SLC26A4: variants seen among roughly 807,000 people sequenced by gnomAD.
SLC26A4 encodes pendrin.
SLC26A4 carries 93 observed loss-of-function variants against 90.4 expected under a neutral mutation model. That is an observed-to-expected ratio of 1.03 (90% CI 0.87 to 1.22). The LOEUF is 1.22. SLC26A4 is among the 50% of genes most tolerant of loss of function. The pLI is 0.00. For synonymous variants in SLC26A4, 393 were observed against 354.6 expected (o/e 1.11, Z -1.22); for missense variants, 1,127 against 946.2 (o/e 1.19, Z -2.51).
Position 107,715,482 on chromosome 7 carries a change from C to G in SLC26A4, c.*36C>G, listed in dbSNP as rs764382402. On this transcript the variant is annotated 3_prime_UTR_variant, in exon 21 of 21. Coordinates refer to ENST00000644269, the MANE Select transcript of SLC26A4 (RefSeq NM_000441.2). ...GGGAGGTCTCTATGAGCAAGGAATA[C>G]AAGACAAAACTTCCTCAATGCATTG... The G allele has an allele frequency of 1.3e-6, 2 of 1,532,144 alleles. No homozygotes were observed. The highest frequency in any genetic ancestry group is 9.0e-7 in the Non-Finnish European group (1 of 1,105,362). 94.9% of individuals were successfully genotyped at this position (1,532,144 alleles called of 1,614,324 possible).
At position 107,661,906 on chromosome 7, in the gene SLC26A4, C is replaced by A; in HGVS notation, c.164+101C>A. ...GCGGGCGAGAGTGGGGTGCGGGCGGCGGAGCCCCTGGGCGCCAGCTGCTTC... is the reference window on the plus strand; with the variant it reads ...GCGGGCGAGAGTGGGGTGCGGGCGGAGGAGCCCCTGGGCGCCAGCTGCTTC... On this transcript the variant is annotated intron_variant, in intron 2 of 20. Transcript: ENST00000644269. The surrounding 1 kb of genome is among the most constrained non-coding windows in gnomAD (Gnocchi z 5.1). The A allele has an allele frequency of 1.5e-6, 2 of 1,338,568 alleles. No individual in the cohort carries two copies. The highest frequency in any genetic ancestry group is 2.0e-6 in the Non-Finnish European group (2 of 1,002,014). 82.9% of individuals were successfully genotyped at this position (1,338,568 alleles called of 1,614,324 possible). A position where few individuals can be genotyped will look rare whatever the true frequency, so the allele number is the denominator to read the frequency against.
At position 107,680,311 on chromosome 7, in the gene SLC26A4, A is replaced by ATCT. The variant is rs1457318004; in HGVS notation, c.766-2890_766-2889insCTT. On this transcript the variant is annotated intron_variant, in intron 6 of 20. Coordinates refer to ENST00000644269, the MANE Select transcript of SLC26A4 (RefSeq NM_000441.2). Reference sequence around the variant, plus strand: ...TTATCTTATTATATAATATAATCTTATATTATTATATAATCTTATCTTATT... The same window carrying ATCT: ...TTATCTTATTATATAATATAATCTTATCTTATTATTATATAATCTTATCTTATT... 3.5e-3 allele frequency among the ~76,000 whole-genome samples: 489 copies of ATCT among 137,998 alleles called. 6 individuals carry two copies. The highest frequency in any genetic ancestry group is 0.012 in the Middle Eastern group (2 of 162). The allele number at this position is 137,998 out of a possible 152,430, so 90.5% of individuals were successfully genotyped here. A position where few individuals can be genotyped will look rare whatever the true frequency, so the allele number is the denominator to read the frequency against.
intron 14 of SLC26A4, among the ~76,000 whole-genome samples, chr7:107,699,130 G>A (rs1161641242): frequency 2.0e-5 from 3 of 152,114 alleles, no homozygotes; most frequent in Non-Finnish European, 2.9e-5. Flanking sequence ...GTGCCATTAA[G>A]AGCTAAAATG....
intron 6 of SLC26A4, among the ~76,000 whole-genome samples, chr7:107,682,116 AAAAAAAAAAAAAAATT>A (rs1791253132): frequency 2.1e-5 from 3 of 141,970 alleles, no homozygotes; most frequent in South Asian, 4.4e-4. Flanking sequence ...AAAAAAAAAA[AAAAAAAAAAAAAAATT>A]TTTTTTATGT....
At chr7:107,691,866 G>C in intron 10 of SLC26A4, 2 of 1,213,018 alleles carry the variant, frequency 1.6e-6, no homozygotes, top group South Asian at 2.9e-5. Flanking sequence ...TGTGGTCAAG[G>C]GGAAGAGGTC....
intron 3 of SLC26A4, among the ~76,000 whole-genome samples, chr7:107,670,140 T>TGCTC (rs1790824105): frequency 6.6e-6 from 1 of 151,650 alleles, no homozygotes; most frequent in African/African-American, 2.4e-5. Context: ...GATGGAGTCT[T>TGCTC]GCTCTGTTGC....
chr7:107,689,326 T>C, intron 9 of SLC26A4, 126 bp downstream of exon 9: 1 of 977,952 alleles, frequency 1.0e-6, no homozygotes, highest in Non-Finnish European at 1.6e-6. Flanking sequence ...ATTGGGTTGG[T>C]TTTCCTCTTG....
intron 13 of SLC26A4, among the ~76,000 whole-genome samples, chr7:107,697,838 G>C (rs565509814): frequency 6.6e-6 from 1 of 152,302 alleles, no homozygotes; most frequent in East Asian, 1.9e-4. Flanking sequence ...CATCAGAAGA[G>C]AGGCACAGTT....
chr7:107,672,270 A>G, intron 4 of SLC26A4, 22 bp downstream of exon 4: 1 of 1,449,288 alleles, frequency 6.9e-7, no homozygotes, highest in African/African-American at 1.4e-5. Context: ...TATATTTTAC[A>G]ATTATATTTG....
chr7:107,680,492 ATAT>A (rs1050132022), intron 6 of SLC26A4, among the ~76,000 whole-genome samples: 26 of 146,726 alleles, frequency 1.8e-4, no homozygotes, highest in Non-Finnish European at 3.3e-4. Context: ...TTATTATATA[ATAT>A]TATTATTATA....
At chr7:107,680,062 CTTA>C (rs1480326011) in intron 6 of SLC26A4, among the ~76,000 whole-genome samples, 12 of 126,080 alleles carry the variant, frequency 9.5e-5, no homozygotes, top group South Asian at 2.4e-4. Context: ...ATAATATAAT[CTTA>C]TTATATAATA....
intron 3 of SLC26A4, among the ~76,000 whole-genome samples, chr7:107,667,061 A>G (rs1442839367): frequency 6.6e-6 from 1 of 152,196 alleles, no homozygotes; most frequent in Non-Finnish European, 1.5e-5. Context: ...AGATCATTAC[A>G]TCATTTATCT....
chr7:107,670,007 T>C (rs1003250514), intron 3 of SLC26A4, among the ~76,000 whole-genome samples: 6 of 152,208 alleles, frequency 3.9e-5, no homozygotes. Context: ...GTAATTTATT[T>C]CTTAAGCTAG....
At chr7:107,713,641 C>T (rs1792257108) in intron 20 of SLC26A4, among the ~76,000 whole-genome samples, 2 of 152,176 alleles carry the variant, frequency 1.3e-5, no homozygotes, top group Non-Finnish European at 2.9e-5. Context: ...GATTATTCAA[C>T]CATGACCTAC....
intron 2 of SLC26A4, among the ~76,000 whole-genome samples, chr7:107,662,421 G>A (rs1790586711): frequency 6.6e-6 from 1 of 152,072 alleles, no homozygotes; most frequent in Non-Finnish European, 1.5e-5. Flanking sequence ...TCAAATATAT[G>A]CATAAGTAGA....
intron 18 of SLC26A4, among the ~76,000 whole-genome samples, chr7:107,705,071 C>T (rs990109494): frequency 2.0e-5 from 3 of 152,156 alleles, no homozygotes; most frequent in Non-Finnish European, 4.4e-5. Context: ...CTGCTCTACT[C>T]CTTCGTTCTG....
At chr7:107,688,130 T>A (rs1791469308) in intron 8 of SLC26A4, among the ~76,000 whole-genome samples, 1 of 152,212 alleles carries the variant, frequency 6.6e-6, no homozygotes, top group Admixed American at 6.6e-5. Flanking sequence ...TCTAAGTTCC[T>A]TTATCAACAA....
At chr7:107,677,815 C>G (rs777365048) in intron 6 of SLC26A4, among the ~76,000 whole-genome samples, 1 of 152,038 alleles carries the variant, frequency 6.6e-6, no homozygotes, top group Non-Finnish European at 1.5e-5. Flanking sequence ...CAATGTCTTG[C>G]TATGTTGCCC....
rs1205234836 is a variant in SLC26A4, at chr7:107,716,616, A to G, written c.*1170A>G. 1.3e-5 allele frequency: 2 copies of G among 152,194 alleles called. No homozygotes were observed. The highest frequency in any genetic ancestry group is 2.4e-5 in the African/African-American group (1 of 41,444). 9.4% of individuals were successfully genotyped at this position (152,194 alleles called of 1,614,324 possible). On this transcript the variant is annotated 3_prime_UTR_variant, in exon 21 of 21. Coordinates refer to ENST00000644269, the MANE Select transcript of SLC26A4 (RefSeq NM_000441.2). ...TTATTTATTTTTTTCCTAAGTGCCA[A>G]CAATTTTCTAGATATTATATACAAC...
Sources: gnomAD v4.1 joint callset for allele counts (sites outside exome capture counted in the v4.1 genomes callset) on GRCh38, gnomAD v4.1.1 for gene constraint, Gnocchi (gnomAD v3.1) non-coding constraint, MANE v1.5 for transcripts, NCBI Gene and HGNC (gene_info 2026-07-23, HGNC 2026-07-21) for gene names.